The following INPP4B variants were observed in gnomAD, a reference collection of about 807,000 sequenced individuals.
INPP4B encodes inositol polyphosphate 4-phosphatase type II.
A neutral mutation model predicts 122.5 loss-of-function variants in INPP4B; 55 were observed. That is an observed-to-expected ratio of 0.45 (90% CI 0.36 to 0.56). INPP4B has a LOEUF of 0.56. INPP4B is among the 20% of genes least tolerant of loss of function. INPP4B has a pLI of 0.00. For synonymous variants in INPP4B, 403 were observed against 388.7 expected (o/e 1.04, Z -0.43); for missense variants, 1,000 against 1,097.7 (o/e 0.91, Z 1.26).
chr4:142,326,002 C>G (rs980225645), intron 7 of INPP4B, among the ~76,000 whole-genome samples: 1 of 152,196 alleles, frequency 6.6e-6, no homozygotes, highest in Non-Finnish European at 1.5e-5. Context: ...CTGAAAGATA[C>G]AGGATCTGCT....
intron 2 of INPP4B, among the ~76,000 whole-genome samples, chr4:142,648,040 G>C (rs116800750): frequency 6.6e-6 from 1 of 152,150 alleles, no homozygotes; most frequent in Admixed American, 6.5e-5. Flanking sequence ...AATCTGAAAC[G>C]AGTTAAAATT....
chr4:142,564,151 A>G lies in INPP4B; in HGVS notation c.-190-101425T>C, dbSNP rs555286118. Among the ~76,000 whole-genome samples the G allele has an allele frequency of 9.2e-5, 14 of 152,312 alleles. No homozygotes were observed. The South Asian group carries it at 2.1e-3, about 23-fold the overall frequency. ...TTTGCTAAAACTTTACTGAATAGGA[A>G]CTATGTGCAAGCACGCTAACAAAGC... On this transcript the variant is annotated intron_variant, in intron 2 of 25. Coordinates refer to ENST00000262992, the MANE Select transcript of INPP4B (RefSeq NM_001101669.3).
chr4:142,442,603 G>A (rs566484165), intron 3 of INPP4B, among the ~76,000 whole-genome samples: 146 of 152,160 alleles, frequency 9.6e-4, no homozygotes, highest in Middle Eastern at 3.4e-3. Context: ...ATAAAAGAAT[G>A]ACTCCCACCC....
intron 1 of INPP4B, among the ~76,000 whole-genome samples, chr4:142,729,513 G>A (rs1275889917): frequency 6.6e-6 from 1 of 151,238 alleles, no homozygotes; most frequent in Non-Finnish European, 1.5e-5. Context: ...ATATAGCAGT[G>A]GAAAAAGGAA....
chr4:142,464,492 G>T (rs1399084233), intron 2 of INPP4B, among the ~76,000 whole-genome samples: 2 of 151,736 alleles, frequency 1.3e-5, no homozygotes, highest in African/African-American at 4.8e-5. Context: ...AAACTACAAA[G>T]AATAGGCTTT....
At chr4:142,630,216 G>A (rs1315060903) in intron 2 of INPP4B, among the ~76,000 whole-genome samples, 1 of 152,048 alleles carries the variant, frequency 6.6e-6, no homozygotes, top group African/African-American at 2.4e-5. Context: ...TCAGTGTTTT[G>A]TGCTTTTAAT....
At chr4:142,372,790 C>T (rs1460847053) in intron 7 of INPP4B, among the ~76,000 whole-genome samples, 1 of 151,980 alleles carries the variant, frequency 6.6e-6, no homozygotes, top group African/African-American at 2.4e-5. Context: ...TGTCTCCTCT[C>T]TAGGAAGGAG....
chr4:142,325,199 C>T (rs1055889916), intron 7 of INPP4B, among the ~76,000 whole-genome samples: 2 of 152,180 alleles, frequency 1.3e-5, no homozygotes, highest in African/African-American at 4.8e-5. Context: ...CTACCACATC[C>T]TACCCAAACC....
chr4:142,613,518 A>C (rs1459595521), intron 2 of INPP4B, among the ~76,000 whole-genome samples: 3 of 152,204 alleles, frequency 2.0e-5, no homozygotes, highest in Non-Finnish European at 4.4e-5. Context: ...GTAGACTCTC[A>C]GTGTGTAGCT....
chr4:142,712,310 T>C (rs1350351075), intron 2 of INPP4B, among the ~76,000 whole-genome samples: 1 of 152,184 alleles, frequency 6.6e-6, no homozygotes, highest in African/African-American at 2.4e-5. Context: ...GGTGTTTATA[T>C]GAAATTGACT....
At chr4:142,191,363 C>G (rs1256616875) in intron 15 of INPP4B, among the ~76,000 whole-genome samples, 1 of 152,146 alleles carries the variant, frequency 6.6e-6, no homozygotes, top group Non-Finnish European at 1.5e-5. Flanking sequence ...CCATACCAAC[C>G]TGTTCTGGGG....
At position 142,244,471 on chromosome 4, in the gene INPP4B, AT is replaced by A. The variant is rs557473923; in HGVS notation, c.689-6461del. Reference sequence around the variant, plus strand: ...CCCACCATCATGCCCGGCTAATTATATTTTTGTATTTTTAGTAGAGGCAGGG... The same window carrying A: ...CCCACCATCATGCCCGGCTAATTATATTTTGTATTTTTAGTAGAGGCAGGG... On this transcript the variant is annotated intron_variant, in intron 11 of 25. Coordinates refer to ENST00000262992, the MANE Select transcript of INPP4B (RefSeq NM_001101669.3). Among the ~76,000 whole-genome samples, 75 of 150,768 alleles carry A rather than the reference AT, an allele frequency of 5.0e-4. 1 individual carries two copies. Among genetic ancestry groups the A allele is most frequent in the Middle Eastern group, 6.8e-3 (2 of 294 alleles).
intron 2 of INPP4B, among the ~76,000 whole-genome samples, chr4:142,554,188 C>CAAAAAAAAAA (rs758209943): frequency 1.0e-5 from 1 of 97,204 alleles, no homozygotes; most frequent in African/African-American, 3.8e-5. Context: ...AACTCCATCT[C>CAAAAAAAAAA]AAAAAAAAAA....
intron 2 of INPP4B, among the ~76,000 whole-genome samples, chr4:142,523,578 C>T (rs1468212165): frequency 6.6e-6 from 1 of 152,086 alleles, no homozygotes; most frequent in Admixed American, 6.6e-5. Context: ...AATCAGTCTC[C>T]ACTCTTCCCA....
intron 2 of INPP4B, among the ~76,000 whole-genome samples, chr4:142,483,388 C>T (rs1820819056): frequency 6.6e-6 from 1 of 151,824 alleles, no homozygotes; most frequent in Non-Finnish European, 1.5e-5. Context: ...TAGCTAAGAT[C>T]TTTACCACTT....
At chr4:142,628,112 G>T (rs1276258537) in intron 2 of INPP4B, among the ~76,000 whole-genome samples, 3 of 151,438 alleles carry the variant, frequency 2.0e-5, no homozygotes, top group South Asian at 2.1e-4. Flanking sequence ...ACATGCACAC[G>T]TATGTTTATT....
At chr4:142,581,086 C>A (rs565978717) in intron 2 of INPP4B, among the ~76,000 whole-genome samples, 1 of 151,752 alleles carries the variant, frequency 6.6e-6, no homozygotes, top group African/African-American at 2.4e-5. Context: ...CAAAAGAGTG[C>A]CATCTTTTGT....
At chr4:142,389,300 A>G (rs1796950736) in intron 7 of INPP4B, among the ~76,000 whole-genome samples, 1 of 151,834 alleles carries the variant, frequency 6.6e-6, no homozygotes, top group Non-Finnish European at 1.5e-5. Context: ...GAAAAATCTT[A>G]CAACTACTGG....
intron 3 of INPP4B, among the ~76,000 whole-genome samples, chr4:142,445,239 G>A (rs984972083): frequency 6.6e-6 from 1 of 151,902 alleles, no homozygotes; most frequent in African/African-American, 2.4e-5. Context: ...AGCACGATAA[G>A]CAAAAAAGCA....
Sources: allele counts gnomAD v4.1 joint callset (sites outside exome capture counted in the v4.1 genomes callset), GRCh38; gene constraint gnomAD v4.1.1; transcripts MANE v1.5; gene names NCBI Gene and HGNC (gene_info 2026-07-23, HGNC 2026-07-21).